Variants in CAPN9 observed in about 807,000 individuals in gnomAD.
The protein encoded by CAPN9 is calpain-9.
A neutral mutation model predicts 92.8 loss-of-function variants in CAPN9; 81 were observed. The ratio of observed to expected loss-of-function variants is 0.87; its 90% CI spans 0.73 to 1.05. CAPN9 has a LOEUF of 1.05. CAPN9 is among the 50% of genes least tolerant of loss of function. The probability of loss-of-function intolerance (pLI) is 0.00; values close to 1 mark genes in which losing one functional copy is unlikely to be tolerated. For missense variants in CAPN9, 848 were observed against 866.2 expected, an observed-to-expected ratio of 0.98 and a Z score of 0.26; for synonymous variants, 304 against 328.0, an observed-to-expected ratio of 0.93 and a Z score of 0.79.
chr1:230,769,838 C>G (rs28741088), intron 6 of CAPN9, among the ~76,000 whole-genome samples: 3 of 152,078 alleles, frequency 2.0e-5, no homozygotes, highest in Non-Finnish European at 2.9e-5. Flanking sequence ...TTACAATGAC[C>G]CAGTTCCACT....
chr1:230,780,424 C>G, intron 10 of CAPN9, 76 bp from the exon 11 acceptor site: 1 of 1,595,282 alleles, frequency 6.3e-7, no homozygotes, highest in Non-Finnish European at 8.6e-7. Flanking sequence ...GAGACTCAAC[C>G]AAGAGTCCAT....
chr1:230,794,026 C>T (rs1050082457), intron 17 of CAPN9, among the ~76,000 whole-genome samples: 4 of 152,150 alleles, frequency 2.6e-5, no homozygotes, highest in Non-Finnish European at 5.9e-5. Flanking sequence ...GCTCCAGGGA[C>T]TCTGTGCTCT....
At chr1:230,755,439 G>C in intron 2 of CAPN9, 33 bp downstream of exon 2, 1 of 1,552,270 alleles carries the variant, frequency 6.4e-7, no homozygotes, top group Non-Finnish European at 8.8e-7. Flanking sequence ...TGGCGAGAGG[G>C]AGGTTGAGTC....
At chr1:230,794,207 G>C (rs1344811454) in intron 17 of CAPN9, among the ~76,000 whole-genome samples, 3 of 152,176 alleles carry the variant, frequency 2.0e-5, no homozygotes, top group Admixed American at 6.5e-5. Flanking sequence ...GCACTGGCCA[G>C]GTGTGGTGGC....
chr1:230,782,066 G>A (rs1667263879), intron 11 of CAPN9, among the ~76,000 whole-genome samples: 1 of 152,132 alleles, frequency 6.6e-6, no homozygotes, highest in South Asian at 2.1e-4. Flanking sequence ...TCTTATGGGT[G>A]GCAAGAACAA....
At chr1:230,767,356 CT>C (rs1248938274) in intron 4 of CAPN9, among the ~76,000 whole-genome samples, 184 bp from the exon 5 acceptor site, 1 of 152,178 alleles carries the variant, frequency 6.6e-6, no homozygotes, top group Admixed American at 6.5e-5. Flanking sequence ...AGGTCAGGAT[CT>C]TTGGCTTCCT....
At chr1:230,752,798 C>T (rs1664931512) in intron 1 of CAPN9, 1 of 663,816 alleles carries the variant, frequency 1.5e-6, no homozygotes, top group Admixed American at 6.3e-5. Context: ...ACAGGGAGGG[C>T]TTGGGGGACT....
intron 1 of CAPN9, among the ~76,000 whole-genome samples, chr1:230,751,226 CT>C (rs1664737519): frequency 6.6e-6 from 1 of 152,206 alleles, no homozygotes. Flanking sequence ...TGCTGCTCCC[CT>C]GACCCCCAGG....
Position 230,769,208 on chromosome 1 carries a change from G to T in CAPN9, c.734G>T (p.Arg245Leu). Reference sequence around the variant, plus strand: ...AGAAGTGCTGCAGAATCTGAGGCCCGGACGCCGTTTGGTCTTATTAAGGGT... The same window carrying T: ...AGAAGTGCTGCAGAATCTGAGGCCCTGACGCCGTTTGGTCTTATTAAGGGT... ...DTRSAAESEA[R>L]TPFGLIKGHA... is the part of the protein sequence containing the mutation. The change falls in exon 6 of 20, where the codon CGG becomes CTG. Residue 245 changes from arginine to leucine, a missense_variant. Transcript: ENST00000271971. The T allele has an allele frequency of 6.2e-7, 1 of 1,614,134 alleles. No homozygotes were observed. Among genetic ancestry groups the T allele is most frequent in the Non-Finnish European group, 8.5e-7 (1 of 1,179,994 alleles).
chr1:230,762,802 C>T lies in CAPN9; in HGVS notation c.536+16C>T. The T allele has an allele frequency of 6.2e-7, 1 of 1,612,606 alleles. No homozygotes were observed. The highest frequency in any genetic ancestry group is 1.3e-5 in the African/African-American group (1 of 74,998). On this transcript the variant is annotated intron_variant, in intron 4 of 19. Transcript: ENST00000271971. ...CCTACGCCAAGTGAGTGACAGCTTC[C>T]CCAGCTCAGGCAGCCTCCCGACAGG...
At chr1:230,768,697 A>G (rs530438511) in intron 5 of CAPN9, among the ~76,000 whole-genome samples, 1 of 152,192 alleles carries the variant, frequency 6.6e-6, no homozygotes, top group South Asian at 2.1e-4. Context: ...GACTGCTATG[A>G]CACTATGTAT....
At chr1:230,780,072 G>A (rs79410167) in intron 9 of CAPN9, 107 bp from the exon 10 acceptor site, 30 of 764,162 alleles carry the variant, frequency 3.9e-5, no homozygotes, top group Non-Finnish European at 5.3e-5. Context: ...GGGCAGATAG[G>A]TGTATGTGCG....
In CAPN9 at chr1:230,762,828, A is replaced by G. The variant is rs1398975406; in HGVS notation, c.536+42A>G. On this transcript the variant is annotated intron_variant, in intron 4 of 19. Coordinates refer to ENST00000271971, the MANE Select transcript of CAPN9 (RefSeq NM_006615.3). ...CCAGCTCAGGCAGCCTCCCGACAGG[A>G]GTCTCTACACTAGTCTTTGTAGTGA... 7 of 1,600,286 alleles carry G rather than the reference A, an allele frequency of 4.4e-6. No individual in the cohort carries two copies. The South Asian group carries it at 7.8e-5, about 18-fold the overall frequency.
At chr1:230,768,215 C>T (rs1666135367) in intron 5 of CAPN9, among the ~76,000 whole-genome samples, 1 of 152,062 alleles carries the variant, frequency 6.6e-6, no homozygotes, top group South Asian at 2.1e-4. Context: ...GGCTGGGTGA[C>T]AGATCAAGAC....
intron 1 of CAPN9, among the ~76,000 whole-genome samples, chr1:230,753,010 ACCTGCAAACT>A (rs1181298570): frequency 6.6e-6 from 1 of 152,162 alleles, no homozygotes; most frequent in Non-Finnish European, 1.5e-5. Flanking sequence ...GCTCAGAGCC[ACCTGCAAACT>A]CCTGCGCTAG....
At position 230,801,660 on chromosome 1, in the gene CAPN9, A is replaced by G; in HGVS notation, c.*64A>G. The G allele has an allele frequency of 6.8e-7, 1 of 1,472,832 alleles. No individual in the cohort carries two copies. Among genetic ancestry groups the G allele is most frequent in the South Asian group, 1.1e-5 (1 of 88,148 alleles). The allele number at this position is 1,472,832 out of a possible 1,614,324, so 91.2% of individuals were successfully genotyped here. Reference sequence around the variant, plus strand: ...TGGCTTCTGGACCTTGACCTTCAGAACTTCTCTTGGTGTGGAACCATTACG... The same window carrying G: ...TGGCTTCTGGACCTTGACCTTCAGAGCTTCTCTTGGTGTGGAACCATTACG... On this transcript the variant is annotated 3_prime_UTR_variant, in exon 20 of 20. Transcript: ENST00000271971.
intron 6 of CAPN9, 22 bp from the exon 7 acceptor site, chr1:230,771,992 C>T (rs1666411819): frequency 6.2e-7 from 1 of 1,602,892 alleles, no homozygotes; most frequent in Non-Finnish European, 8.5e-7. Context: ...TTTCACACTT[C>T]CCTCATGCTT....
chr1:230,762,457 T>C (rs141699623), intron 3 of CAPN9, among the ~76,000 whole-genome samples, 196 bp from the exon 4 acceptor site: 615 of 152,346 alleles, frequency 4.0e-3, no homozygotes, highest in Non-Finnish European at 6.9e-3. Flanking sequence ...TGGTTAGTGC[T>C]GGGTGGAATA....
At chr1:230,754,120 GC>G (rs1665053648) in intron 1 of CAPN9, among the ~76,000 whole-genome samples, 1 of 151,868 alleles carries the variant, frequency 6.6e-6, no homozygotes, top group Non-Finnish European at 1.5e-5. Context: ...TGGGGGAGGG[GC>G]GGGGCAGGAG....
Sources: allele counts gnomAD v4.1 joint callset (sites outside exome capture counted in the v4.1 genomes callset), GRCh38; gene constraint gnomAD v4.1.1; transcripts MANE v1.5; gene names NCBI Gene and HGNC (gene_info 2026-07-23, HGNC 2026-07-21).